Variants in NOTCH4 observed in about 807,000 individuals in gnomAD.
NOTCH4 encodes neurogenic locus notch homolog protein 4.
NOTCH4 carries 138 observed loss-of-function variants against 189.0 expected under a neutral mutation model. The observed-to-expected ratio is 0.73, with a 90% CI of 0.64 to 0.84. The LOEUF (loss-of-function observed/expected upper bound fraction) is 0.84. Ranked by LOEUF, NOTCH4 falls within the 40% of genes least tolerant of loss-of-function variation. The probability of loss-of-function intolerance (pLI) is 0.00; values close to 1 mark genes in which losing one functional copy is unlikely to be tolerated. For missense variants in NOTCH4, 2,286 were observed against 2,605.4 expected, an observed-to-expected ratio of 0.88 and a Z score of 2.67; for synonymous variants, 942 against 1,032.8, an observed-to-expected ratio of 0.91 and a Z score of 1.69.
At chr6:32,203,960 C>T in intron 19 of NOTCH4, 78 bp from the exon 20 acceptor site, 2 of 1,461,980 alleles carry the variant, frequency 1.4e-6, no homozygotes, top group Non-Finnish European at 1.9e-6. Context: ...TGGATGTTGG[C>T]CCAGTGCTAG....
intron 3 of NOTCH4, among the ~76,000 whole-genome samples, chr6:32,222,041 G>A (rs1481397628): frequency 4.6e-5 from 7 of 152,218 alleles, no homozygotes; most frequent in Admixed American, 1.3e-4. Context: ...CCCTCCTCCT[G>A]GGGCGGCCCC....
In NOTCH4 at chr6:32,214,878, G is replaced by A. The variant is rs372139129; in HGVS notation, c.2021+348C>T. On this transcript the variant is annotated intron_variant, in intron 12 of 29. Coordinates refer to ENST00000375023, the MANE Select transcript of NOTCH4 (RefSeq NM_004557.4). ...TGATCTCAGGTGATCCGCCCACCTCGGCCTCCCAAAGTGCTGGGATTACCG... is the reference window on the plus strand; with the variant it reads ...TGATCTCAGGTGATCCGCCCACCTCAGCCTCCCAAAGTGCTGGGATTACCG... Among the ~76,000 whole-genome samples, 111 of 152,200 alleles carry A rather than the reference G, an allele frequency of 7.3e-4. 1 individual carries two copies. The South Asian group carries it at 0.02, about 27-fold the overall frequency.
At chr6:32,197,895 C>T (rs1181037333) in intron 26 of NOTCH4, among the ~76,000 whole-genome samples, 1 of 150,686 alleles carries the variant, frequency 6.6e-6, no homozygotes, top group African/African-American at 2.4e-5. Context: ...GATCTCGGCT[C>T]ACTGCAAGCT....
In NOTCH4 at chr6:32,204,292, C is replaced by T. The variant is rs781344689; in HGVS notation, c.2963G>A (p.Gly988Glu). The part of the protein sequence containing the change: ...HNHGTCTPKP[G>E]GFHCACPPGF... Reference sequence around the variant, plus strand: ...TGGAGGGCAGGCACAGTGGAATCCTCCAGGTTTGGGAGTACAGGTTCCATG... The same window carrying T: ...TGGAGGGCAGGCACAGTGGAATCCTTCAGGTTTGGGAGTACAGGTTCCATG... The change falls in exon 19 of 30, where the codon GGA (glycine) becomes GAA (glutamate). Residue 988 changes from glycine to glutamate, a missense_variant. By Grantham distance (98) the Gly-to-Glu change is moderately conservative (BLOSUM62 -2). Around this residue, in one of 2 missense-constraint regions of NOTCH4, gnomAD observed 1,903 missense variants for 2,261.9 expected, o/e 0.84. Coordinates refer to ENST00000375023, the MANE Select transcript of NOTCH4 (RefSeq NM_004557.4). 1 of 1,613,062 alleles carries T rather than the reference C, an allele frequency of 6.2e-7. No individual in the cohort carries two copies. The highest frequency in any genetic ancestry group is 8.5e-7 in the Non-Finnish European group (1 of 1,180,020).
In NOTCH4 at chr6:32,217,981, G is replaced by A. The variant is rs1789519079; in HGVS notation, c.1624+14C>T. The A allele has an allele frequency of 1.3e-6, 2 of 1,563,154 alleles. No individual in the cohort carries two copies. The highest frequency in any genetic ancestry group is 1.8e-6 in the Non-Finnish European group (2 of 1,134,492). On this transcript the variant is annotated intron_variant, in intron 9 of 29. Transcript: ENST00000375023. The surrounding 1 kb of genome is among the most constrained non-coding windows in gnomAD (Gnocchi z 4.2). ...CTGGGGTCTGAGGGTGGCCAGAGAGGCATCTGTACTCACCAGGCAGGCAGA... is the reference window on the plus strand; with the variant it reads ...CTGGGGTCTGAGGGTGGCCAGAGAGACATCTGTACTCACCAGGCAGGCAGA...
Position 32,213,608 on chromosome 6 carries a change from A to G in NOTCH4, c.2320+80T>C. 5.3e-6 allele frequency: 8 copies of G among 1,505,184 alleles called. No homozygotes were observed. In the South Asian group the frequency reaches 1.0e-4, roughly 19 times the overall value. The allele number at this position is 1,505,184 out of a possible 1,614,324, so 93.2% of individuals were successfully genotyped here. A position where few individuals can be genotyped will look rare whatever the true frequency, so the allele number is the denominator to read the frequency against. The stretch of plus-strand genomic sequence containing the variant: ...GGCTGGTCTGTTCAATTAAATTTTA[A>G]AAAATATGACACAAGCATACCCTCC... On this transcript the variant is annotated intron_variant, in intron 14 of 29. Transcript: ENST00000375023.
chr6:32,198,290 C>CT lies in NOTCH4; in HGVS notation c.4756+130dup. The CT allele has an allele frequency of 9.9e-7, 1 of 1,009,906 alleles. No individual in the cohort carries two copies. Among genetic ancestry groups the CT allele is most frequent in the Admixed American group, 2.9e-5 (1 of 34,370 alleles). The allele number at this position is 1,009,906 out of a possible 1,614,324, so 62.6% of individuals were successfully genotyped here. On this transcript the variant is annotated intron_variant, in intron 26 of 29. Coordinates refer to ENST00000375023, the MANE Select transcript of NOTCH4 (RefSeq NM_004557.4). This position sits in a 1 kb window ranked among gnomAD's most constrained non-coding sequence, Gnocchi z 5.5. ...CTGATTTTGCTGTCTGAGGACCACA[C>CT]TTTGAGAATCATTGTTCTAAGGCAC... is the stretch of plus-strand genomic sequence containing the variant.
chr6:32,214,379 T>A, intron 12 of NOTCH4, 124 bp from the exon 13 acceptor site: 3 of 1,079,982 alleles, frequency 2.8e-6, no homozygotes, highest in South Asian at 1.4e-5. Flanking sequence ...CTTTCTTCAG[T>A]GACTTTGCTC....
At chr6:32,214,044 G>A (rs914517342) in intron 13 of NOTCH4, 66 bp downstream of exon 13, 89 of 1,544,250 alleles carry the variant, frequency 5.8e-5, no homozygotes, top group African/African-American at 8.3e-5. Flanking sequence ...GCCCGTGGTC[G>A]CCTGCCTTAC....
rs1453507599 is a variant in NOTCH4 at position 32,195,553 on chromosome 6, G to T, written c.5896C>A (p.Pro1966Thr). 4 of 1,613,128 alleles carry T rather than the reference G, an allele frequency of 2.5e-6. No individual in the cohort carries two copies. Among genetic ancestry groups the T allele is most frequent in the Admixed American group, 1.7e-5 (1 of 60,032 alleles). Residue 1966 changes from proline (P) to threonine (T), a missense_variant, in exon 30 of 30, where the codon CCG becomes ACG. Physicochemically the swap from Pro to Thr is conservative, Grantham distance 38. Coordinates refer to ENST00000375023, the MANE Select transcript of NOTCH4 (RefSeq NM_004557.4). The surrounding 1 kb of genome is among the most constrained non-coding windows in gnomAD (Gnocchi z 5.4). Reference sequence around the variant, plus strand: ...GGAGTAAGGCAAGGAGGCGGGATCGGAATGTTGGAGGCAGAACCGCAAGCT... The same window carrying T: ...GGAGTAAGGCAAGGAGGCGGGATCGTAATGTTGGAGGCAGAACCGCAAGCT... ...LGACGSASNIPIPPPCLTPSP... is the reference protein window; with the variant it reads ...LGACGSASNITIPPPCLTPSP...
Position 32,215,228 on chromosome 6 carries a change from C to A in NOTCH4, c.2019G>T (p.Gln673His). ...GGGGAGGGTCTGGAAGATGTTACCT[C>A]TGGCAGTGCCCGTGGTGGCAGGTGC... ...DNCTCHHGHC[Q>H]RSSCVCDVGW... The change falls in exon 12 of 30, where the codon CAG becomes CAT. Residue 673 changes from glutamine (Q) to histidine (H), a missense_variant and splice_region_variant. By Grantham distance (24) the Gln-to-His change is conservative. This residue lies in a region of NOTCH4 where 1,903 missense variants were observed against 2,261.9 expected (regional missense o/e 0.84). Coordinates refer to ENST00000375023, the MANE Select transcript of NOTCH4 (RefSeq NM_004557.4). 6.3e-7 allele frequency: 1 copy of A among 1,596,256 alleles called. No individual in the cohort carries two copies. Among genetic ancestry groups the A allele is most frequent in the East Asian group, 2.2e-5 (1 of 44,534 alleles).
chr6:32,197,064 G>T lies in NOTCH4; in HGVS notation c.5061C>A (p.Leu1687=). ...CGTCCACTGCAGTTTGTCTGCTACG[G>T]AGCAGAAGCTGGGGAGACAGAGGGC... ...ADAREVCQLL[L]RSRQTAVDAR... is the part of the protein sequence containing the mutation. Residue 1687 remains leucine, a synonymous_variant, in exon 28 of 30, where the codon CTC becomes CTA. Coordinates refer to ENST00000375023, the MANE Select transcript of NOTCH4 (RefSeq NM_004557.4). 4 of 1,612,470 alleles carry T rather than the reference G, an allele frequency of 2.5e-6. No individual in the cohort carries two copies. Among genetic ancestry groups the T allele is most frequent in the Non-Finnish European group, 2.5e-6 (3 of 1,179,982 alleles).
rs1788023196 is a variant in NOTCH4 at position 32,197,446 on chromosome 6, C to CT, written c.4904dup (p.Thr1636AspfsTer20). 1 of 1,560,254 alleles carries CT rather than the reference C, an allele frequency of 6.4e-7. No homozygotes were observed. Among genetic ancestry groups the CT allele is most frequent in the Non-Finnish European group, 8.7e-7 (1 of 1,152,596 alleles). On this transcript the variant is annotated frameshift_variant, in exon 27 of 30. Coordinates refer to ENST00000375023, the MANE Select transcript of NOTCH4 (RefSeq NM_004557.4). LOFTEE classifies it high-confidence loss of function. ...ATCGGGCAGCCAGGTGCAGGGGGGT[C>CT]TCCCCAGTGCCCACGGTGTGAGCCT...
At position 32,196,381 on chromosome 6, in the gene NOTCH4, G is replaced by T; in HGVS notation, c.5241C>A (p.Ala1747=). The T allele has an allele frequency of 6.2e-7, 1 of 1,613,146 alleles. No individual in the cohort carries two copies. Among genetic ancestry groups the T allele is most frequent in the Non-Finnish European group, 8.5e-7 (1 of 1,180,050 alleles). The part of the protein sequence containing the change: ...ALHWAAAVNN[A]RAARSLLQAG... ...CCTGGAGAAGCGAGCGGGCGGCTCG[G>T]GCGTTGTTCACGGCAGCAGCCCAGT... Residue 1747 remains alanine (A), a synonymous_variant, in exon 29 of 30, where the codon GCC becomes GCA. Transcript: ENST00000375023.
chr6:32,219,632 A>C lies in NOTCH4; in HGVS notation c.1470T>G (p.Cys490Trp). ...AGTGGAAGGTGGCAAGTAGGTCCAG[A>C]CAGGTGCTTCCTGGGTGGCAGGGCT... The part of the protein sequence containing the change: ...LSQPCHPGST[C>W]LDLLATFHCL... The change falls in exon 8 of 30, where the codon TGT becomes TGG. Residue 490 changes from cysteine (C) to tryptophan (W), a missense_variant. By Grantham distance (215) the Cys-to-Trp change is radical. Around this residue, in one of 2 missense-constraint regions of NOTCH4, gnomAD observed 1,903 missense variants for 2,261.9 expected, o/e 0.84. Coordinates refer to ENST00000375023, the MANE Select transcript of NOTCH4 (RefSeq NM_004557.4). The C allele has an allele frequency of 6.2e-7, 1 of 1,612,968 alleles. No individual in the cohort carries two copies. The highest frequency in any genetic ancestry group is 2.2e-5 in the East Asian group (1 of 44,900).
Position 32,195,194 on chromosome 6 carries a change from G to A in NOTCH4, c.*243C>T. On this transcript the variant is annotated 3_prime_UTR_variant, in exon 30 of 30. Coordinates refer to ENST00000375023, the MANE Select transcript of NOTCH4 (RefSeq NM_004557.4). This position sits in a 1 kb window ranked among gnomAD's most constrained non-coding sequence, Gnocchi z 5.4. Reference sequence around the variant, plus strand: ...TTTCCACTCCACTCTGCCCTCCTGTGGCCTGTCTTATTTTCTGGAGGAGGA... The same window carrying A: ...TTTCCACTCCACTCTGCCCTCCTGTAGCCTGTCTTATTTTCTGGAGGAGGA... 1 of 534,242 alleles carries A rather than the reference G, an allele frequency of 1.9e-6. No individual in the cohort carries two copies. Among genetic ancestry groups the A allele is most frequent in the Non-Finnish European group, 3.3e-6 (1 of 305,522 alleles). 33.1% of individuals were successfully genotyped at this position (534,242 alleles called of 1,614,324 possible). A position where few individuals can be genotyped will look rare whatever the true frequency, so the allele number is the denominator to read the frequency against.
Position 32,201,014 on chromosome 6 carries a change from GGA to G in NOTCH4, c.4140-10_4140-9del. 6.4e-7 allele frequency: 1 copy of G among 1,556,928 alleles called. No individual in the cohort carries two copies. Among genetic ancestry groups the G allele is most frequent in the Non-Finnish European group, 8.7e-7 (1 of 1,151,998 alleles). On this transcript the variant is annotated splice_polypyrimidine_tract_variant and intron_variant, in intron 22 of 29. Transcript: ENST00000375023. This position sits in a 1 kb window ranked among gnomAD's most constrained non-coding sequence, Gnocchi z 5.5. ...CCCATGACCACCACAAACCTGTAGA[GGA>G]GGCACCTCAGAGACCTCTGTATTGG...
At position 32,201,249 on chromosome 6, in the gene NOTCH4, C is replaced by T; in HGVS notation, c.4007G>A (p.Arg1336Lys). 6.2e-7 allele frequency: 1 copy of T among 1,613,052 alleles called. No individual in the cohort carries two copies. Residue 1336 changes from arginine to lysine, a missense_variant, in exon 22 of 30, where the codon AGG becomes AAG. By Grantham distance (26) the Arg-to-Lys change is conservative. This residue lies in a region of NOTCH4 where 1,903 missense variants were observed against 2,261.9 expected (regional missense o/e 0.84). Transcript: ENST00000375023. The surrounding 1 kb of genome is among the most constrained non-coding windows in gnomAD (Gnocchi z 5.5). Reference protein sequence around the residue: ...GLWVRKDRDGRDMVYPYPGAR... With the variant: ...GLWVRKDRDGKDMVYPYPGAR... Reference sequence around the variant, plus strand: ...CCCAGGATAGGGGTACACCATGTCCCTGCCATCACGATCCTTCCTTACCCA... The same window carrying T: ...CCCAGGATAGGGGTACACCATGTCCTTGCCATCACGATCCTTCCTTACCCA...
At position 32,214,092 on chromosome 6, in the gene NOTCH4, G is replaced by A; in HGVS notation, c.2167+18C>T. 6.2e-7 allele frequency: 1 copy of A among 1,603,342 alleles called. No homozygotes were observed. The highest frequency in any genetic ancestry group is 8.5e-7 in the Non-Finnish European group (1 of 1,174,936). On this transcript the variant is annotated intron_variant, in intron 13 of 29. Transcript: ENST00000375023. ...GGGTGACCAGCACAGGGTGTATATG[G>A]TTTAGGGAGGGTCTCACCTGTGTAG...
Sources: allele counts gnomAD v4.1 joint callset (sites outside exome capture counted in the v4.1 genomes callset), GRCh38; gene constraint gnomAD v4.1.1; regional missense constraint gnomAD v4.1.1; non-coding constraint Gnocchi (gnomAD v3.1); transcripts MANE v1.5; gene names NCBI Gene and HGNC (gene_info 2026-07-23, HGNC 2026-07-21).